Variants in CREBBP observed in about 807,000 individuals in gnomAD.
The protein encoded by CREBBP is CREB binding lysine acetyltransferase, also known as CREB-binding protein.
Under a neutral mutation model 265.0 loss-of-function variants are expected in CREBBP, and 19 were observed. That is an observed-to-expected ratio of 0.07 (90% confidence interval 0.05 to 0.11). CREBBP has a LOEUF of 0.11. Ranked by LOEUF, CREBBP falls within the 10% of genes least tolerant of loss-of-function variation. The pLI, the probability that CREBBP is intolerant of heterozygous loss-of-function variation, is 1.00. For synonymous variants in CREBBP, 1,457 were observed against 1,223.7 expected (o/e 1.19, Z -3.98); for missense variants, 2,525 against 3,219.0 (o/e 0.78, Z 5.22).
At chr16:3,753,158 G>C (rs1466367169) in intron 19 of CREBBP, among the ~76,000 whole-genome samples, 2 of 152,230 alleles carry the variant, frequency 1.3e-5, no homozygotes, top group Non-Finnish European at 2.9e-5. Context: ...ACCAAGTGCA[G>C]AATGGGACGC....
chr16:3,753,103 T>A lies in CREBBP; in HGVS notation c.3699-1297A>T, dbSNP rs115253942. Among the ~76,000 whole-genome samples, 275 of 152,286 alleles carry A rather than the reference T, an allele frequency of 1.8e-3. 1 individual carries two copies. The highest frequency in any genetic ancestry group is 6.4e-3 in the African/African-American group (265 of 41,542). Reference sequence around the variant, plus strand: ...ATGTCTACAAGATGCCAGGAAGGATTAGTATTAAAAACAGTGCGACAGGAC... The same window carrying A: ...ATGTCTACAAGATGCCAGGAAGGATAAGTATTAAAAACAGTGCGACAGGAC... On this transcript the variant is annotated intron_variant, in intron 19 of 30. Transcript: ENST00000262367.
intron 2 of CREBBP, among the ~76,000 whole-genome samples, chr16:3,849,098 G>A (rs928684570): frequency 6.6e-6 from 1 of 152,172 alleles, no homozygotes; most frequent in African/African-American, 2.4e-5. Context: ...CTGATTTTCT[G>A]TTCTGGGATG....
At chr16:3,869,741 C>T (rs2055255080) in intron 1 of CREBBP, among the ~76,000 whole-genome samples, 1 of 152,168 alleles carries the variant, frequency 6.6e-6, no homozygotes, top group South Asian at 2.1e-4. Context: ...CACTGGACAG[C>T]GCTGGCTTGG....
At chr16:3,759,822 C>A (rs1359334373) in intron 16 of CREBBP, among the ~76,000 whole-genome samples, 1 of 152,156 alleles carries the variant, frequency 6.6e-6, no homozygotes, top group Non-Finnish European at 1.5e-5. Flanking sequence ...CTGCCTACTA[C>A]ACTCTCTGTT....
rs767800871 is a variant in CREBBP at position 3,727,676 on chromosome 16, G to C, written c.*42C>G. On this transcript the variant is annotated 3_prime_UTR_variant, in exon 31 of 31. Coordinates refer to ENST00000262367, the MANE Select transcript of CREBBP (RefSeq NM_004380.3). ...AGATGCCTGGATTTTCAGTACAAAA[G>C]GTCCAAGAACATGAAAGGGAAAAGG... 1.9e-6 allele frequency: 3 copies of C among 1,613,242 alleles called. No homozygotes were observed. The highest frequency in any genetic ancestry group is 1.1e-5 in the South Asian group (1 of 91,038).
rs542425636 is a variant in CREBBP, at chr16:3,725,483, G to C, written c.*2235C>G. 1.7e-5 allele frequency: 4 copies of C among 233,146 alleles called. No individual in the cohort carries two copies. Among genetic ancestry groups the C allele is most frequent in the South Asian group, 1.8e-4 (1 of 5,534 alleles). 14.4% of individuals were successfully genotyped at this position (233,146 alleles called of 1,614,324 possible). ...CTTCTTGTTTGAACACATGGCTCAAGGTTTCCCTACGGGTGGAAAAGATGA... is the reference window on the plus strand; with the variant it reads ...CTTCTTGTTTGAACACATGGCTCAACGTTTCCCTACGGGTGGAAAAGATGA... On this transcript the variant is annotated 3_prime_UTR_variant, in exon 31 of 31. Transcript: ENST00000262367.
chr16:3,731,631 T>C lies in CREBBP; in HGVS notation c.4890+145A>G, dbSNP rs2051919212. On this transcript the variant is annotated intron_variant, in intron 29 of 30. Transcript: ENST00000262367. This position sits in a 1 kb window ranked among gnomAD's most constrained non-coding sequence, Gnocchi z 7.7. ...GGAACAAAATTGGTGACACGTTGCATGATGTCACCCAACTGGTCCACTTGG... is the reference window on the plus strand; with the variant it reads ...GGAACAAAATTGGTGACACGTTGCACGATGTCACCCAACTGGTCCACTTGG... The C allele has an allele frequency of 7.2e-7, 1 of 1,395,618 alleles. No individual in the cohort carries two copies. The highest frequency in any genetic ancestry group is 1.2e-5 in the South Asian group (1 of 85,996). The allele number at this position is 1,395,618 out of a possible 1,614,324, so 86.5% of individuals were successfully genotyped here.
At chr16:3,835,576 C>CTTTTTTT (rs1021938849) in intron 2 of CREBBP, among the ~76,000 whole-genome samples, 4 of 117,452 alleles carry the variant, frequency 3.4e-5, no homozygotes, top group African/African-American at 6.7e-5. Context: ...AAGATTTCTT[C>CTTTTTTT]TTTTTTTTTT....
chr16:3,730,256 A>T lies in CREBBP; in HGVS notation c.5173-382T>A, dbSNP rs548266761. Among the ~76,000 whole-genome samples, 5 of 152,106 alleles carry T rather than the reference A, an allele frequency of 3.3e-5. No homozygotes were observed. In the East Asian group the frequency reaches 9.7e-4, roughly 29 times the overall value. ...GTAGACACCAGCCCCCTTCCTTCCG[A>T]CTTCCTCTGACCTGGGAGTCACATC... On this transcript the variant is annotated intron_variant, in intron 30 of 30. Coordinates refer to ENST00000262367, the MANE Select transcript of CREBBP (RefSeq NM_004380.3).
At chr16:3,790,790 C>T (rs894924941) in intron 5 of CREBBP, among the ~76,000 whole-genome samples, 1 of 152,194 alleles carries the variant, frequency 6.6e-6, no homozygotes, top group Non-Finnish European at 1.5e-5. Context: ...AGCTCGCTGC[C>T]TACTCCCTCG....
chr16:3,736,532 G>T, intron 27 of CREBBP, 118 bp downstream of exon 27: 1 of 1,436,658 alleles, frequency 7.0e-7, no homozygotes, highest in Non-Finnish European at 9.8e-7. Flanking sequence ...TTATTTTTCT[G>T]CTTTCTAATC....
rs551229993 is a variant in CREBBP at position 3,874,512 on chromosome 16, G to A, written c.85+5320C>T. 5.9e-5 allele frequency among the ~76,000 whole-genome samples: 9 copies of A among 152,314 alleles called. No individual in the cohort carries two copies. The East Asian group carries it at 1.5e-3, about 26-fold the overall frequency. Reference sequence around the variant, plus strand: ...TACTGGAACACAGCCAGGCCCACTCGCCTATGGCTACTTTCTTGCTGAAAT... The same window carrying A: ...TACTGGAACACAGCCAGGCCCACTCACCTATGGCTACTTTCTTGCTGAAAT... On this transcript the variant is annotated intron_variant, in intron 1 of 30. Transcript: ENST00000262367.
intron 21 of CREBBP, among the ~76,000 whole-genome samples, chr16:3,749,348 G>C (rs566507755): frequency 6.6e-6 from 1 of 152,228 alleles, no homozygotes; most frequent in East Asian, 1.9e-4. Context: ...GCTTCTTAAA[G>C]ACACCCATGA....
At chr16:3,835,576 CTTT>C (rs1021938849) in intron 2 of CREBBP, among the ~76,000 whole-genome samples, 8 of 117,480 alleles carry the variant, frequency 6.8e-5, no homozygotes, top group African/African-American at 1.7e-4. Context: ...AAGATTTCTT[CTTT>C]TTTTTTTTTT....
At chr16:3,846,345 A>T (rs1325356449) in intron 2 of CREBBP, among the ~76,000 whole-genome samples, 1 of 152,262 alleles carries the variant, frequency 6.6e-6, no homozygotes, top group African/African-American at 2.4e-5. Context: ...ACAGAGGCTC[A>T]ATCACTCTTG....
intron 5 of CREBBP, among the ~76,000 whole-genome samples, chr16:3,790,902 T>A (rs1314576380): frequency 6.6e-6 from 1 of 152,184 alleles, no homozygotes; most frequent in Non-Finnish European, 1.5e-5. Context: ...ACTTTTTCCA[T>A]CTTTCCCTGG....
chr16:3,837,436 T>C (rs1220545623), intron 2 of CREBBP, among the ~76,000 whole-genome samples: 1 of 151,962 alleles, frequency 6.6e-6, no homozygotes, highest in East Asian at 1.9e-4. Flanking sequence ...GGCAACATGG[T>C]AAAACCTCGT....
At chr16:3,789,604 A>G (rs1174434965) in intron 5 of CREBBP, among the ~76,000 whole-genome samples, 1 of 152,160 alleles carries the variant, frequency 6.6e-6, no homozygotes, top group African/African-American at 2.4e-5. Flanking sequence ...TGGGTTCCTA[A>G]CTCAAGAGTT....
At chr16:3,735,417 C>T (rs1041011673) in intron 28 of CREBBP, among the ~76,000 whole-genome samples, 1 of 152,200 alleles carries the variant, frequency 6.6e-6, no homozygotes. Flanking sequence ...CTGCCTCAAC[C>T]TCCCTCGTAG....
Sources: allele counts gnomAD v4.1 joint callset (sites outside exome capture counted in the v4.1 genomes callset), GRCh38; gene constraint gnomAD v4.1.1; non-coding constraint Gnocchi (gnomAD v3.1); transcripts MANE v1.5; gene names NCBI Gene and HGNC (gene_info 2026-07-23, HGNC 2026-07-21).